DNAH9: variants seen among roughly 807,000 people sequenced by gnomAD.
The protein encoded by DNAH9 is DNAH9 variant protein.
DNAH9 carries 345 observed loss-of-function variants against 471.6 expected under a neutral mutation model. That is an observed-to-expected ratio of 0.73 (90% CI 0.67 to 0.80). The LOEUF is 0.80. Ranked by LOEUF, DNAH9 falls within the 30% of genes least tolerant of loss-of-function variation. DNAH9 has a pLI of 0.00. For missense variants in DNAH9, 5,407 were observed against 5,609.2 expected (o/e 0.96, Z 1.15); for synonymous variants, 2,093 against 2,123.6 (o/e 0.99, Z 0.40).
chr17:11,744,862 A>G lies in DNAH9; in HGVS notation c.6177A>G (p.Arg2059=), dbSNP rs751621879. The G allele has an allele frequency of 1.9e-6, 3 of 1,614,104 alleles. No individual in the cohort carries two copies. In the South Asian group the frequency reaches 3.3e-5, roughly 18 times the overall value. The change falls in exon 31 of 69, where the codon AGA becomes AGG. Residue 2059 remains arginine, a synonymous_variant. Coordinates refer to ENST00000262442, the MANE Select transcript of DNAH9 (RefSeq NM_001372.4). ...SVLVVAGSLK[R]GDPDRPEDQV... The stretch of plus-strand genomic sequence containing the variant: ...TGGTGGTGGCAGGATCCCTGAAGAG[A>G]GGAGACCCTGACCGGCCTGAGGACC...
intron 35 of DNAH9, 144 bp from the exon 36 acceptor site, chr17:11,763,296 A>C: frequency 1.4e-6 from 1 of 704,402 alleles, no homozygotes; most frequent in East Asian, 2.5e-5. Flanking sequence ...ATAAAGGCTT[A>C]AGTGGCGCTC....
intron 4 of DNAH9, among the ~76,000 whole-genome samples, chr17:11,614,211 T>A (rs918691938): frequency 5.8e-5 from 8 of 137,652 alleles, no homozygotes; most frequent in Non-Finnish European, 1.1e-4. Flanking sequence ...TCAGAGCATC[T>A]TTTTTTTTAT....
chr17:11,849,057 C>G (rs1029574448), intron 49 of DNAH9, among the ~76,000 whole-genome samples: 1 of 152,092 alleles, frequency 6.6e-6, no homozygotes, highest in Non-Finnish European at 1.5e-5. Flanking sequence ...AGGATGGTCT[C>G]GATCTCCTGA....
At chr17:11,846,479 G>A (rs549017418) in intron 49 of DNAH9, among the ~76,000 whole-genome samples, 4,832 of 149,610 alleles carry the variant, frequency 0.032, 101 homozygotes, top group Non-Finnish European at 0.048. Context: ...TTGACTTGGC[G>A]ATGCGGGCTC....
rs573336576 is a variant in DNAH9 at position 11,903,983 on chromosome 17, C to T, written c.11600+1071C>T. 3.3e-5 allele frequency among the ~76,000 whole-genome samples: 5 copies of T among 152,132 alleles called. No individual in the cohort carries two copies. The East Asian group carries it at 5.8e-4, about 18-fold the overall frequency. ...CTGAAATTCCTCCATTCGTAGTGGC[C>T]CCAGTACAGGCAAAGAATAGGTGAA... On this transcript the variant is annotated intron_variant, in intron 60 of 68. Transcript: ENST00000262442.
At chr17:11,684,762 C>A (rs544765522) in intron 19 of DNAH9, among the ~76,000 whole-genome samples, 1 of 152,136 alleles carries the variant, frequency 6.6e-6, no homozygotes, top group Non-Finnish European at 1.5e-5. Flanking sequence ...GGGGTGCTGT[C>A]CTACATGACA....
rs189258882 is a variant in DNAH9 at position 11,917,152 on chromosome 17, T to C, written c.11750-6662T>C. On this transcript the variant is annotated intron_variant, in intron 61 of 68. Transcript: ENST00000262442. ...GGCCTCTGTTTTCTATTTTTTTGTT[T>C]TGTTTGTTTTGTTTTTTTGAGACGG... Among the ~76,000 whole-genome samples the C allele has an allele frequency of 2.4e-3, 362 of 152,176 alleles. 2 individuals carry two copies. The highest frequency in any genetic ancestry group is 8.4e-3 in the African/African-American group (349 of 41,544).
chr17:11,598,731 C>T lies in DNAH9; in HGVS notation c.233C>T (p.Pro78Leu). ...PRPLLVVRPG[P>L]RGLAIRPGLE... The stretch of plus-strand genomic sequence containing the variant: ...CCGCTGCTGGTGGTGCGGCCCGGGC[C>T]CAGGGGCCTGGCAATACGCCCCGGG... The change falls in exon 1 of 69, where the codon CCC (proline) becomes CTC (leucine). Residue 78 changes from proline (P) to leucine (L), a missense_variant. This residue lies in a region of DNAH9 where 767 missense variants were observed against 692.5 expected (regional missense o/e 1.11). Transcript: ENST00000262442. 1 of 1,397,562 alleles carries T rather than the reference C, an allele frequency of 7.2e-7. No individual in the cohort carries two copies. The highest frequency in any genetic ancestry group is 9.2e-7 in the Non-Finnish European group (1 of 1,083,544). 86.6% of individuals were successfully genotyped at this position (1,397,562 alleles called of 1,614,324 possible).
At chr17:11,872,619 C>T (rs982078764) in intron 52 of DNAH9, among the ~76,000 whole-genome samples, 4 of 152,144 alleles carry the variant, frequency 2.6e-5, no homozygotes, top group African/African-American at 9.7e-5. Flanking sequence ...AGATTAGGCT[C>T]ATAGAAGTCA....
At position 11,667,029 on chromosome 17, in the gene DNAH9, A is replaced by G. The variant is rs546996671; in HGVS notation, c.2732-2035A>G. Among the ~76,000 whole-genome samples the G allele has an allele frequency of 5.9e-5, 9 of 152,266 alleles. No individual in the cohort carries two copies. In the South Asian group the frequency reaches 1.9e-3, roughly 32 times the overall value. On this transcript the variant is annotated intron_variant, in intron 15 of 68. Transcript: ENST00000262442. Reference sequence around the variant, plus strand: ...CCTAGTAAAATGATTTACGTGCACCAACACTGTGGAACCAGGACAATCTGC... The same window carrying G: ...CCTAGTAAAATGATTTACGTGCACCGACACTGTGGAACCAGGACAATCTGC...
At chr17:11,795,514 G>A (rs1370921643) in intron 42 of DNAH9, among the ~76,000 whole-genome samples, 1 of 152,164 alleles carries the variant, frequency 6.6e-6, no homozygotes, top group African/African-American at 2.4e-5. Flanking sequence ...CTATGTGACA[G>A]CCTTTTGAAT....
chr17:11,825,182 T>C (rs1015124454), intron 48 of DNAH9, among the ~76,000 whole-genome samples: 30 of 152,200 alleles, frequency 2.0e-4, no homozygotes, highest in African/African-American at 7.0e-4. Context: ...ACCTTTGCTA[T>C]AGAAAGGTAA....
intron 49 of DNAH9, among the ~76,000 whole-genome samples, chr17:11,851,190 A>G (rs1001286551): frequency 1.8e-4 from 27 of 152,118 alleles, no homozygotes; most frequent in African/African-American, 5.5e-4. Context: ...GGCTCCTTGC[A>G]ACCTCCACCT....
Position 11,647,003 on chromosome 17 carries a change from A to C in DNAH9, c.1971-69A>C, listed in dbSNP as rs543060869. Reference sequence around the variant, plus strand: ...TAGTAGTATCTTCAATTTATGTTACAGATCATGACCAGGCACCGGTGAGCT... The same window carrying C: ...TAGTAGTATCTTCAATTTATGTTACCGATCATGACCAGGCACCGGTGAGCT... On this transcript the variant is annotated intron_variant, in intron 11 of 68. Transcript: ENST00000262442. 3.2e-6 allele frequency: 5 copies of C among 1,543,184 alleles called. No homozygotes were observed. In the African/African-American group the frequency reaches 6.8e-5, roughly 21 times the overall value.
At chr17:11,645,324 A>G (rs2073360520) in intron 11 of DNAH9, among the ~76,000 whole-genome samples, 1 of 152,188 alleles carries the variant, frequency 6.6e-6, no homozygotes, top group Non-Finnish European at 1.5e-5. Context: ...GGCAAGTAAC[A>G]CACATTCCAC....
At chr17:11,942,952 G>A (rs1974984575) in intron 67 of DNAH9, among the ~76,000 whole-genome samples, 1 of 147,230 alleles carries the variant, frequency 6.8e-6, no homozygotes, top group Non-Finnish European at 1.5e-5. Flanking sequence ...CTGGAGTGCA[G>A]TGGTGTGATC....
chr17:11,605,176 A>G (rs2072473726), intron 1 of DNAH9, among the ~76,000 whole-genome samples: 1 of 152,072 alleles, frequency 6.6e-6, no homozygotes, highest in Non-Finnish European at 1.5e-5. Context: ...AGGATCTGCA[A>G]AGCACTCCCC....
intron 38 of DNAH9, among the ~76,000 whole-genome samples, chr17:11,773,595 C>G (rs539129275): frequency 1.3e-5 from 2 of 151,968 alleles, no homozygotes; most frequent in Admixed American, 6.6e-5. Flanking sequence ...TATATAAAAA[C>G]TTAGACAATC....
intron 65 of DNAH9, among the ~76,000 whole-genome samples, chr17:11,934,539 G>C (rs1317166126): frequency 1.4e-5 from 2 of 139,324 alleles, no homozygotes; most frequent in East Asian, 2.3e-4. Context: ...TCCGCCTCCC[G>C]GGTTCACGCC....
Sources: allele counts gnomAD v4.1 joint callset (sites outside exome capture counted in the v4.1 genomes callset), GRCh38; gene constraint gnomAD v4.1.1; regional missense constraint gnomAD v4.1.1; transcripts MANE v1.5; gene names NCBI Gene and HGNC (gene_info 2026-07-23, HGNC 2026-07-21).